RYR3: variants seen among roughly 807,000 people sequenced by gnomAD.
RYR3 encodes the protein ryanodine receptor 3, also known as brain ryanodine receptor-calcium release channel.
A neutral mutation model predicts 584.3 loss-of-function variants in RYR3; 207 were observed. The ratio of observed to expected loss-of-function variants is 0.35; its 90% CI spans 0.32 to 0.40. The LOEUF (loss-of-function observed/expected upper bound fraction) is 0.40. RYR3 is among the 10% of genes least tolerant of loss of function. The probability of loss-of-function intolerance (pLI) is 1.00; values close to 1 mark genes in which losing one functional copy is unlikely to be tolerated. For synonymous variants in RYR3, 2,416 were observed against 2,248.5 expected (o/e 1.07, Z -2.11); for missense variants, 5,616 against 6,089.2 (o/e 0.92, Z 2.59).
In RYR3 at chr15:33,577,999, A is replaced by C. The variant is rs75615331; in HGVS notation, c.1269-1977A>C. On this transcript the variant is annotated intron_variant, in intron 12 of 103. Coordinates refer to ENST00000634891, the MANE Select transcript of RYR3 (RefSeq NM_001036.6). ...GAAGACATTTATGTGGCCAACAAACATAGGAAGAAAAGCTCAACATCACTG... is the reference window on the plus strand; with the variant it reads ...GAAGACATTTATGTGGCCAACAAACCTAGGAAGAAAAGCTCAACATCACTG... Among the ~76,000 whole-genome samples the C allele has an allele frequency of 3.3e-5, 5 of 152,378 alleles. No individual in the cohort carries two copies. The East Asian group carries it at 9.6e-4, about 29-fold the overall frequency.
chr15:33,696,596 T>G (rs1414715959), intron 39 of RYR3, 105 bp downstream of exon 39: 6 of 1,215,824 alleles, frequency 4.9e-6, no homozygotes, highest in Non-Finnish European at 5.7e-6. Flanking sequence ...ATTAAATCTT[T>G]GTGTGAACTG....
chr15:33,604,416 AG>A (rs2059812539), intron 18 of RYR3, among the ~76,000 whole-genome samples: 1 of 152,082 alleles, frequency 6.6e-6, no homozygotes, highest in African/African-American at 2.4e-5. Context: ...CTTCATTTTC[AG>A]TTGGTCCATA....
At chr15:33,608,954 C>A (rs954911508) in intron 18 of RYR3, among the ~76,000 whole-genome samples, 3 of 152,174 alleles carry the variant, frequency 2.0e-5, no homozygotes, top group African/African-American at 7.2e-5. Context: ...AAATAAAGTT[C>A]AGAGCTCAGC....
At chr15:33,723,357 T>G (rs1201539600) in intron 44 of RYR3, among the ~76,000 whole-genome samples, 1 of 130,454 alleles carries the variant, frequency 7.7e-6, no homozygotes, top group Non-Finnish European at 1.5e-5. Flanking sequence ...CTTCTAAAAA[T>G]AAATAAATAA....
intron 60 of RYR3, among the ~76,000 whole-genome samples, chr15:33,763,961 A>G (rs1478144305): frequency 1.1e-4 from 17 of 151,274 alleles, no homozygotes; most frequent in African/African-American, 3.9e-4. Context: ...AGAAATAGGA[A>G]TGCTTTTACA....
chr15:33,785,647 CT>C lies in RYR3; in HGVS notation c.9269-13del. The C allele has an allele frequency of 2.6e-6, 4 of 1,541,952 alleles. No homozygotes were observed. Among genetic ancestry groups the C allele is most frequent in the Non-Finnish European group, 3.5e-6 (4 of 1,142,000 alleles). ...GCTTTTGAATTTCTGTCCCTTTATT[CT>C]TCCTCTCAATCAGTTCTGGGGATGC... On this transcript the variant is annotated splice_polypyrimidine_tract_variant and intron_variant, in intron 65 of 103. Coordinates refer to ENST00000634891, the MANE Select transcript of RYR3 (RefSeq NM_001036.6).
At chr15:33,561,686 G>A (rs1418471764) in intron 10 of RYR3, among the ~76,000 whole-genome samples, 1 of 151,674 alleles carries the variant, frequency 6.6e-6, no homozygotes, top group Non-Finnish European at 1.5e-5. Context: ...GATCAGCCTG[G>A]GCAACATGGG....
At chr15:33,567,507 G>C (rs1013854421) in intron 12 of RYR3, among the ~76,000 whole-genome samples, 1 of 152,214 alleles carries the variant, frequency 6.6e-6, no homozygotes, top group African/African-American at 2.4e-5. Context: ...TTCTCTTGCT[G>C]TTGAAGGACT....
intron 1 of RYR3, among the ~76,000 whole-genome samples, chr15:33,353,526 A>G (rs1379040385): frequency 1.3e-5 from 2 of 152,206 alleles, no homozygotes; most frequent in African/African-American, 4.8e-5. Flanking sequence ...AGTGGAAAAT[A>G]TGACAACTAA....
At chr15:33,435,491 T>G (rs2045611002) in intron 1 of RYR3, among the ~76,000 whole-genome samples, 1 of 152,194 alleles carries the variant, frequency 6.6e-6, no homozygotes, top group Admixed American at 6.5e-5. Flanking sequence ...TTTCACATCC[T>G]ACTGTAATAA....
intron 94 of RYR3, chr15:33,849,231 T>C (rs945825949): frequency 6.6e-6 from 1 of 152,134 alleles, no homozygotes; most frequent in Non-Finnish European, 1.5e-5. Flanking sequence ...AATAGAGCCG[T>C]CTGGTAGGGA....
At chr15:33,478,356 C>G (rs1291228096) in intron 2 of RYR3, among the ~76,000 whole-genome samples, 1 of 152,166 alleles carries the variant, frequency 6.6e-6, no homozygotes, top group Non-Finnish European at 1.5e-5. Flanking sequence ...TGAGAGTCAC[C>G]ATGGCTTAAA....
At chr15:33,724,030 C>A in intron 44 of RYR3, 35 bp from the exon 45 acceptor site, 2 of 1,282,752 alleles carry the variant, frequency 1.6e-6, no homozygotes, top group Non-Finnish European at 2.3e-6. Context: ...TGCCTGCCAA[C>A]CTTCCTCACA....
chr15:33,408,361 G>C (rs959431176), intron 1 of RYR3, among the ~76,000 whole-genome samples: 7 of 152,144 alleles, frequency 4.6e-5, no homozygotes, highest in African/African-American at 1.7e-4. Context: ...TTGTGTAGTA[G>C]TCCATGATAT....
At chr15:33,512,914 A>T (rs1053675210) in intron 3 of RYR3, among the ~76,000 whole-genome samples, 4 of 152,128 alleles carry the variant, frequency 2.6e-5, no homozygotes, top group Non-Finnish European at 5.9e-5. Flanking sequence ...ATTCAGGGAG[A>T]TGTTTTGATA....
Position 33,771,920 on chromosome 15 carries a change from G to A in RYR3, c.8817G>A (p.Arg2939=). ...AGATTTGAACATTGTTTGCTTGCAGGACTGTCATGAAGTCAGGCTCAGAGC... is the reference window on the plus strand; with the variant it reads ...AGATTTGAACATTGTTTGCTTGCAGAACTGTCATGAAGTCAGGCTCAGAGC... ...LHILAQTLDT[R]TVMKSGSELV... Residue 2939 remains arginine, a splice_region_variant and synonymous_variant, in exon 63 of 104, where the codon AGG becomes AGA. Coordinates refer to ENST00000634891, the MANE Select transcript of RYR3 (RefSeq NM_001036.6). 6.2e-7 allele frequency: 1 copy of A among 1,604,780 alleles called. No individual in the cohort carries two copies. The highest frequency in any genetic ancestry group is 8.5e-7 in the Non-Finnish European group (1 of 1,173,624).
chr15:33,479,685 C>G (rs2049785477), intron 2 of RYR3, among the ~76,000 whole-genome samples: 1 of 152,060 alleles, frequency 6.6e-6, no homozygotes, highest in Admixed American at 6.6e-5. Flanking sequence ...GAATCACTGT[C>G]TAATTTCTGT....
intron 57 of RYR3, among the ~76,000 whole-genome samples, chr15:33,753,686 C>G (rs1035030416): frequency 6.6e-6 from 1 of 152,060 alleles, no homozygotes; most frequent in Non-Finnish European, 1.5e-5. Flanking sequence ...TCTATTGTAT[C>G]TCATATGAAA....
In RYR3 at chr15:33,556,098, C is replaced by T. The variant is rs568516521; in HGVS notation, c.972+5782C>T. Reference sequence around the variant, plus strand: ...TCACCCCAGCATCCATGAATGGGCTCCACCTTCCCATATCTACTTTTCCTC... The same window carrying T: ...TCACCCCAGCATCCATGAATGGGCTTCACCTTCCCATATCTACTTTTCCTC... On this transcript the variant is annotated intron_variant, in intron 10 of 103. Transcript: ENST00000634891. Among the ~76,000 whole-genome samples the T allele has an allele frequency of 3.9e-5, 6 of 152,294 alleles. No homozygotes were observed. In the South Asian group the frequency reaches 1.0e-3, roughly 26 times the overall value.
Sources: allele counts gnomAD v4.1 joint callset (sites outside exome capture counted in the v4.1 genomes callset), GRCh38; gene constraint gnomAD v4.1.1; transcripts MANE v1.5; gene names NCBI Gene and HGNC (gene_info 2026-07-23, HGNC 2026-07-21).